The following ABCA2 variants were observed in gnomAD, a reference collection of about 807,000 sequenced individuals.
The protein encoded by ABCA2 is ATP-binding cassette sub-family A member 2.
Under a neutral mutation model 262.8 loss-of-function variants are expected in ABCA2, and 84 were observed. The observed-to-expected ratio is 0.32, with a 90% CI of 0.27 to 0.38. The LOEUF is 0.38. ABCA2 is among the 10% of genes least tolerant of loss of function. ABCA2 has a pLI of 1.00. For synonymous variants in ABCA2, 1,696 were observed against 1,502.9 expected (o/e 1.13, Z -2.97); for missense variants, 2,662 against 3,405.9 (o/e 0.78, Z 5.44).
Position 137,011,833 on chromosome 9 carries a change from G to T in ABCA2, c.5535+11C>A, listed in dbSNP as rs565882351. 1.3e-6 allele frequency: 2 copies of T among 1,570,368 alleles called. No homozygotes were observed. Among genetic ancestry groups the T allele is most frequent in the Admixed American group, 1.9e-5 (1 of 53,356 alleles). On this transcript the variant is annotated intron_variant, in intron 35 of 48. Coordinates refer to ENST00000341511, the MANE Select transcript of ABCA2 (RefSeq NM_001606.5). This position sits in a 1 kb window ranked among gnomAD's most constrained non-coding sequence, Gnocchi z 8.8. ...AAGGGCCGGGGCACCCCATGGCCAC[G>T]CCGGGCGCACCATGTCCCACACGTA...
chr9:137,018,679 G>T (rs1450803724), intron 13 of ABCA2, 40 bp downstream of exon 13: 11 of 1,511,110 alleles, frequency 7.3e-6, no homozygotes, highest in Non-Finnish European at 9.8e-6. Context: ...GGAGGAAGAG[G>T]TCTGTGGGGG....
Position 137,014,773 on chromosome 9 carries a change from C to A in ABCA2, c.3920G>T (p.Ser1307Ile). The A allele has an allele frequency of 6.2e-7, 1 of 1,601,074 alleles. No homozygotes were observed. The highest frequency in any genetic ancestry group is 8.5e-7 in the Non-Finnish European group (1 of 1,175,078). The change falls in exon 26 of 49, where the codon AGC becomes ATC. Residue 1307 changes from serine to isoleucine, a missense_variant. Coordinates refer to ENST00000341511, the MANE Select transcript of ABCA2 (RefSeq NM_001606.5). ...ERSLDALHLS[S>I]FGLMDTTLEE... Reference sequence around the variant, plus strand: ...CAGGGTCGTGTCCATCAGCCCGAAGCTGCTGAGGTGCAGTGCATCCAGGCT... The same window carrying A: ...CAGGGTCGTGTCCATCAGCCCGAAGATGCTGAGGTGCAGTGCATCCAGGCT...
chr9:137,013,632 C>T, intron 28 of ABCA2, 69 bp from the exon 29 acceptor site: 1 of 1,486,810 alleles, frequency 6.7e-7, no homozygotes, highest in Non-Finnish European at 9.1e-7. Flanking sequence ...GCCTCGGTCC[C>T]CTTCCCCCAA....
At chr9:137,014,624 A>T in intron 26 of ABCA2, 66 bp downstream of exon 26, 1 of 1,551,612 alleles carries the variant, frequency 6.4e-7, no homozygotes, top group South Asian at 1.2e-5. Flanking sequence ...GGCAGGAGTG[A>T]CAGCGCAGGC....
chr9:137,010,881 ATC>A (rs2131431722), intron 39 of ABCA2, 90 bp downstream of exon 39: 8 of 273,648 alleles, frequency 2.9e-5, no homozygotes, highest in East Asian at 6.7e-5. Context: ...CTCCTGCCCC[ATC>A]CCTGCCCCCA....
At position 137,018,308 on chromosome 9, in the gene ABCA2, G is replaced by A. The variant is rs202013393; in HGVS notation, c.1863C>T (p.His621=). 305 of 1,607,014 alleles carry A rather than the reference G, an allele frequency of 1.9e-4. No homozygotes were observed. Among genetic ancestry groups the A allele is most frequent in the African/African-American group, 2.3e-4 (17 of 72,946 alleles). The change falls in exon 14 of 49, where the codon CAC becomes CAT. Residue 621 remains histidine (H), a synonymous_variant. Coordinates refer to ENST00000341511, the MANE Select transcript of ABCA2 (RefSeq NM_001606.5). The part of the protein sequence containing the change: ...QTRKDGSLPP[H]VHYKIRQNSS... The stretch of plus-strand genomic sequence containing the variant: ...AGTTCTGGCGGATCTTGTAGTGCAC[G>A]TGAGGCGGGAGCGAGCCGTCCTTCC...
chr9:137,011,323 G>A lies in ABCA2; in HGVS notation c.5800-14C>T, dbSNP rs569425676. The A allele has an allele frequency of 1.8e-5, 29 of 1,607,868 alleles. No homozygotes were observed. Among genetic ancestry groups the A allele is most frequent in the Middle Eastern group, 3.3e-4 (2 of 6,012 alleles). On this transcript the variant is annotated splice_polypyrimidine_tract_variant and intron_variant, in intron 37 of 48. Coordinates refer to ENST00000341511, the MANE Select transcript of ABCA2 (RefSeq NM_001606.5). The surrounding 1 kb of genome is among the most constrained non-coding windows in gnomAD (Gnocchi z 8.8). ...AACCTTCAGGTCCTGCGGGGTGGCCGGGGTCAGGGGCACAGGGGTGGCCGG... is the reference window on the plus strand; with the variant it reads ...AACCTTCAGGTCCTGCGGGGTGGCCAGGGTCAGGGGCACAGGGGTGGCCGG...
chr9:137,009,928 T>C (rs1160525005), intron 42 of ABCA2, 25 bp from the exon 43 acceptor site: 2 of 1,601,112 alleles, frequency 1.2e-6, no homozygotes, highest in Non-Finnish European at 1.7e-6. Flanking sequence ...CAGGTGTCAG[T>C]GGAGGCAGGG....
rs2131440367 is a variant in ABCA2, at chr9:137,013,431, C to T, written c.4550+30G>A. 3 of 1,581,670 alleles carry T rather than the reference C, an allele frequency of 1.9e-6. No individual in the cohort carries two copies. In the South Asian group the frequency reaches 3.5e-5, roughly 18 times the overall value. On this transcript the variant is annotated intron_variant, in intron 29 of 48. Coordinates refer to ENST00000341511, the MANE Select transcript of ABCA2 (RefSeq NM_001606.5). The stretch of plus-strand genomic sequence containing the variant: ...TCCCCGCCCCTTCACTCGCCCCACC[C>T]ACCAAGGCTGCCCCCGCTGGAGGCC...
Position 137,014,172 on chromosome 9 carries a change from C to T in ABCA2, c.4236G>A (p.Leu1412=). 1 of 1,606,696 alleles carries T rather than the reference C, an allele frequency of 6.2e-7. No homozygotes were observed. ...DNPQDPDNVS[L]QEVEAEALSR... is the part of the protein sequence containing the mutation. The stretch of plus-strand genomic sequence containing the variant: ...GCCTCACCCTGCCACCCCCACCTTG[C>T]AGGCTGACATTGTCTGGGTCCTGTG... Residue 1412 remains leucine (L), a synonymous_variant, in exon 27 of 49, where the codon CTG becomes CTA. Transcript: ENST00000341511.
intron 1 of ABCA2, 144 bp from the exon 2 acceptor site, chr9:137,024,380 C>A: frequency 1.6e-6 from 1 of 642,658 alleles, no homozygotes; most frequent in East Asian, 2.8e-5. Flanking sequence ...TTCGGAACCA[C>A]TGAAGGTCTG....
At chr9:137,024,666 C>T (rs1409482087) in intron 1 of ABCA2, among the ~76,000 whole-genome samples, 1 of 152,258 alleles carries the variant, frequency 6.6e-6, no homozygotes, top group African/African-American at 2.4e-5. Flanking sequence ...CTCCCACTTC[C>T]TCCCCACCAA....
Position 137,011,905 on chromosome 9 carries a change from A to G in ABCA2, c.5474T>C (p.Leu1825Pro). ...GGGGTTGCAGCCGCTGACAAACTGC[A>G]GGTGCTTGGCCTTGGTGGACTTCTC... ...VAEKSTKAKH[L>P]QFVSGCNPII... Residue 1825 changes from leucine to proline, a missense_variant, in exon 35 of 49, where the codon CTG (leucine) becomes CCG (proline). By Grantham distance (98) the Leu-to-Pro change is moderately conservative. Coordinates refer to ENST00000341511, the MANE Select transcript of ABCA2 (RefSeq NM_001606.5). The surrounding 1 kb of genome is among the most constrained non-coding windows in gnomAD (Gnocchi z 8.8). 1 of 1,612,382 alleles carries G rather than the reference A, an allele frequency of 6.2e-7. No individual in the cohort carries two copies. Among genetic ancestry groups the G allele is most frequent in the African/African-American group, 1.3e-5 (1 of 75,030 alleles).
At position 137,014,388 on chromosome 9, in the gene ABCA2, C is replaced by A. The variant is rs746849458; in HGVS notation, c.4020G>T (p.Arg1340Ser). Residue 1340 changes from arginine (R) to serine (S), a missense_variant, in exon 27 of 49, where the codon AGG becomes AGT. Transcript: ENST00000341511. ...CCTCCGCCCCAGGGAGCACATCCTTCCTGGACTCCTTCACATCTGCCGCAG... is the reference window on the plus strand; with the variant it reads ...CCTCCGCCCCAGGGAGCACATCCTTACTGGACTCCTTCACATCTGCCGCAG... ...ENSEADVKES[R>S]KDVLPGAEGP... 21 of 1,592,610 alleles carry A rather than the reference C, an allele frequency of 1.3e-5. No individual in the cohort carries two copies. Among genetic ancestry groups the A allele is most frequent in the African/African-American group, 2.7e-5 (2 of 74,404 alleles).
chr9:137,024,029 C>T (rs779624094), intron 2 of ABCA2, 114 bp downstream of exon 2: 108 of 1,514,832 alleles, frequency 7.1e-5, no homozygotes, highest in African/African-American at 1.4e-4. Context: ...GAGCAGGCAC[C>T]GCACCTCAGG....
At chr9:137,014,560 C>T in intron 26 of ABCA2, 130 bp downstream of exon 26, 1 of 1,481,936 alleles carries the variant, frequency 6.7e-7, no homozygotes, top group Non-Finnish European at 9.0e-7. Context: ...GCAGGCTAAC[C>T]CCGGGGCGTC....
chr9:137,017,571 A>G lies in ABCA2; in HGVS notation c.2333T>C (p.Leu778Pro). 1 of 1,612,658 alleles carries G rather than the reference A, an allele frequency of 6.2e-7. No individual in the cohort carries two copies. The highest frequency in any genetic ancestry group is 8.5e-7 in the Non-Finnish European group (1 of 1,179,864). ...LTAILKYGQVLMHSHVVIIWL... is the reference protein window; with the variant it reads ...LTAILKYGQVPMHSHVVIIWL... Reference sequence around the variant, plus strand: ...GATGATGACCACGTGGCTGTGCATAAGCACCTGGCCGTACTTCAGGATGGC... The same window carrying G: ...GATGATGACCACGTGGCTGTGCATAGGCACCTGGCCGTACTTCAGGATGGC... The change falls in exon 17 of 49, where the codon CTT (leucine) becomes CCT (proline). Residue 778 changes from leucine (L) to proline (P), a missense_variant. By Grantham distance (98) the Leu-to-Pro change is moderately conservative (BLOSUM62 -3). Coordinates refer to ENST00000341511, the MANE Select transcript of ABCA2 (RefSeq NM_001606.5).
Position 137,015,612 on chromosome 9 carries a change from A to T in ABCA2, c.3515-16T>A. On this transcript the variant is annotated splice_polypyrimidine_tract_variant and intron_variant, in intron 23 of 48. Transcript: ENST00000341511. Reference sequence around the variant, plus strand: ...ATGGTGCGGCCTAGGACAAGGCCAGACCCAGGGTCAGGGGGCAGGGGAGGC... The same window carrying T: ...ATGGTGCGGCCTAGGACAAGGCCAGTCCCAGGGTCAGGGGGCAGGGGAGGC... 6.2e-7 allele frequency: 1 copy of T among 1,612,030 alleles called. No individual in the cohort carries two copies. Among genetic ancestry groups the T allele is most frequent in the Non-Finnish European group, 8.5e-7 (1 of 1,179,596 alleles).
chr9:137,010,103 C>G lies in ABCA2; in HGVS notation c.6375G>C (p.Gln2125His). ...NGHSVLKELL[Q>H]VQQSLGYCPQ... ...GGCAGTAGCCGAGGCTCTGCTGCAC[C>G]TGGAGCAGCTCCTTCAGCACGCTGG... The change falls in exon 42 of 49, where the codon CAG becomes CAC. Residue 2125 changes from glutamine (Q) to histidine (H), a missense_variant. Transcript: ENST00000341511. 6.3e-7 allele frequency: 1 copy of G among 1,596,520 alleles called. No individual in the cohort carries two copies. The highest frequency in any genetic ancestry group is 8.5e-7 in the Non-Finnish European group (1 of 1,176,744).
Sources: allele counts gnomAD v4.1 joint callset (sites outside exome capture counted in the v4.1 genomes callset), GRCh38; gene constraint gnomAD v4.1.1; non-coding constraint Gnocchi (gnomAD v3.1); transcripts MANE v1.5; gene names NCBI Gene and HGNC (gene_info 2026-07-23, HGNC 2026-07-21).